Variants in ACER3 observed in about 807,000 individuals in gnomAD.
ACER3 encodes alkaline ceramidase 3.
Under a neutral mutation model 48.9 loss-of-function variants are expected in ACER3, and 16 were observed. The ratio of observed to expected loss-of-function variants is 0.33; its 90% CI spans 0.22 to 0.50. The LOEUF is 0.50. Among genes scored for constraint, ACER3 ranks in the 20% least tolerant of loss-of-function variants. ACER3 has a pLI of 0.98. For missense variants in ACER3, 227 were observed against 326.0 expected (o/e 0.70, Z 2.34); for synonymous variants, 109 against 107.8 (o/e 1.01, Z -0.07).
chr11:76,919,337 T>C (rs909091585), intron 1 of ACER3, among the ~76,000 whole-genome samples: 1 of 152,226 alleles, frequency 6.6e-6, no homozygotes, highest in Admixed American at 6.5e-5. Flanking sequence ...TCTCTTAAAT[T>C]GTACCCTTTT....
intron 1 of ACER3, among the ~76,000 whole-genome samples, chr11:76,863,649 A>G (rs1944997243): frequency 6.6e-6 from 1 of 152,226 alleles, no homozygotes; most frequent in Non-Finnish European, 1.5e-5. Flanking sequence ...ATTTACATTA[A>G]CAATAGTATT....
chr11:76,921,096 A>G (rs1476367655), intron 1 of ACER3, among the ~76,000 whole-genome samples: 1 of 152,220 alleles, frequency 6.6e-6, no homozygotes, highest in Admixed American at 6.5e-5. Flanking sequence ...TCAGCTTTTT[A>G]AAAGTAACCT....
At chr11:76,905,234 T>A (rs1327364066) in intron 1 of ACER3, among the ~76,000 whole-genome samples, 4 of 152,148 alleles carry the variant, frequency 2.6e-5, no homozygotes, top group Admixed American at 2.6e-4. Context: ...TTTAGAAGAT[T>A]TTTTTTATGT....
At chr11:76,861,151 A>C in intron 1 of ACER3, 72 bp downstream of exon 1, 6 of 1,428,740 alleles carry the variant, frequency 4.2e-6, no homozygotes, top group Non-Finnish European at 5.7e-6. Context: ...TGAGGAAGGC[A>C]AAGAGCGAAC....
At chr11:76,944,106 A>G (rs866869621) in intron 2 of ACER3, among the ~76,000 whole-genome samples, 5 of 151,922 alleles carry the variant, frequency 3.3e-5, no homozygotes, top group African/African-American at 1.2e-4. Context: ...TCTAAAATCC[A>G]TTCTGTCAAT....
At chr11:76,942,759 A>G (rs1323282220) in intron 2 of ACER3, among the ~76,000 whole-genome samples, 1 of 151,900 alleles carries the variant, frequency 6.6e-6, no homozygotes, top group Admixed American at 6.6e-5. Flanking sequence ...GAGTATTGGT[A>G]TTAGTTCTTC....
chr11:76,988,253 T>C (rs1028000525), intron 5 of ACER3, among the ~76,000 whole-genome samples: 7 of 152,204 alleles, frequency 4.6e-5, no homozygotes, highest in Non-Finnish European at 8.8e-5. Flanking sequence ...GTTGAGATGT[T>C]GAATAGGAGG....
intron 1 of ACER3, among the ~76,000 whole-genome samples, chr11:76,862,544 G>A (rs889711570): frequency 6.6e-6 from 1 of 152,194 alleles, no homozygotes; most frequent in African/African-American, 2.4e-5. Flanking sequence ...CCATGACCAC[G>A]AGGAAAGAGA....
chr11:76,938,979 T>G (rs1432516784), intron 2 of ACER3, among the ~76,000 whole-genome samples: 1 of 51,050 alleles, frequency 2.0e-5, no homozygotes, highest in African/African-American at 8.0e-5. Context: ...CTAAAAAAAA[T>G]GAAGGAATCA....
At chr11:76,883,665 G>A (rs1173109889) in intron 1 of ACER3, among the ~76,000 whole-genome samples, 4 of 151,874 alleles carry the variant, frequency 2.6e-5, no homozygotes, top group South Asian at 2.1e-4. Flanking sequence ...GGCTGATCTC[G>A]AATTCCTGAC....
chr11:76,983,443 G>A (rs1308794648), intron 4 of ACER3, among the ~76,000 whole-genome samples: 1 of 151,882 alleles, frequency 6.6e-6, no homozygotes, highest in East Asian at 1.9e-4. Context: ...AGCCTCTCAA[G>A]TAGCTGCGAC....
chr11:76,867,458 G>A (rs1249448349), intron 1 of ACER3, among the ~76,000 whole-genome samples: 2 of 96,348 alleles, frequency 2.1e-5, no homozygotes, highest in Non-Finnish European at 1.8e-5. Flanking sequence ...GACAGAGTGA[G>A]ACTCTGTCTC....
At chr11:76,875,992 A>G (rs1355333426) in intron 1 of ACER3, among the ~76,000 whole-genome samples, 1 of 151,982 alleles carries the variant, frequency 6.6e-6, no homozygotes, top group African/African-American at 2.4e-5. Context: ...ACATGGTTTC[A>G]CCATATTGGC....
At chr11:76,915,987 T>C (rs1403011646) in intron 1 of ACER3, among the ~76,000 whole-genome samples, 1 of 152,220 alleles carries the variant, frequency 6.6e-6, no homozygotes, top group Non-Finnish European at 1.5e-5. Context: ...AACCTAACCA[T>C]ATCAAATATA....
intron 2 of ACER3, among the ~76,000 whole-genome samples, chr11:76,949,296 T>C (rs1198319664): frequency 6.6e-6 from 1 of 152,218 alleles, no homozygotes; most frequent in East Asian, 1.9e-4. Flanking sequence ...TTTAATTGTA[T>C]CTGTCTTCAC....
intron 1 of ACER3, among the ~76,000 whole-genome samples, chr11:76,892,041 G>T (rs1007062342): frequency 6.6e-6 from 1 of 152,178 alleles, no homozygotes; most frequent in South Asian, 2.1e-4. Flanking sequence ...TGCTTTTTCA[G>T]CATAAACAAT....
chr11:76,947,362 T>C (rs1454211311), intron 2 of ACER3, among the ~76,000 whole-genome samples: 4 of 152,182 alleles, frequency 2.6e-5, no homozygotes, highest in African/African-American at 7.2e-5. Context: ...AAAAGGCCCA[T>C]TGGAAATTCT....
At chr11:76,953,944 GTTC>G (rs982952362) in intron 2 of ACER3, among the ~76,000 whole-genome samples, 1 of 121,340 alleles carries the variant, frequency 8.2e-6, no homozygotes, top group African/African-American at 3.1e-5. Flanking sequence ...CGCTTTAAAA[GTTC>G]TTTTTTTTTT....
intron 1 of ACER3, among the ~76,000 whole-genome samples, chr11:76,862,697 C>G (rs1340319416): frequency 6.6e-6 from 1 of 152,074 alleles, no homozygotes; most frequent in Non-Finnish European, 1.5e-5. Flanking sequence ...TGGGCAGAAA[C>G]TAACTGTAAT....
Sources: gnomAD v4.1 joint callset for allele counts (sites outside exome capture counted in the v4.1 genomes callset) on GRCh38, gnomAD v4.1.1 for gene constraint, MANE v1.5 for transcripts, NCBI Gene and HGNC (gene_info 2026-07-23, HGNC 2026-07-21) for gene names.